Variants in BCOR observed in about 807,000 individuals in gnomAD.
BCOR encodes BCL-6 corepressor.
Under a neutral mutation model 86.7 loss-of-function variants are expected in BCOR, and 10 were observed. That is an observed-to-expected ratio of 0.12 (90% CI 0.07 to 0.20). The LOEUF is 0.20. BCOR is among the 10% of genes least tolerant of loss of function. The pLI, the probability that BCOR is intolerant of heterozygous loss-of-function variation, is 1.00. For synonymous variants in BCOR, 611 were observed against 609.0 expected (o/e 1.00, Z -0.05); for missense variants, 1,259 against 1,452.1 (o/e 0.87, Z 2.16).
At chrX:40,078,973 A>AG (rs1935948843) in intron 1 of BCOR, among the ~76,000 whole-genome samples, 1 of 111,304 alleles carries the variant, frequency 9.0e-6, no homozygotes, top group African/African-American at 3.3e-5. Context: ...TGCTCTTTGG[A>AG]GGTTGAGCCG....
At chrX:40,062,016 ACCGGCCCAGC>A (rs1430744572) in intron 10 of BCOR, 113 bp downstream of exon 10, 1 of 912,080 alleles carries the variant, frequency 1.1e-6, no homozygotes, top group African/African-American at 2.0e-5. Context: ...CTGTTGGAGC[ACCGGCCCAGC>A]CCCGATGTGG....
At chrX:40,061,598 C>T (rs187365532) in intron 10 of BCOR, among the ~76,000 whole-genome samples, 1 of 107,334 alleles carries the variant, frequency 9.3e-6, no homozygotes, top group East Asian at 3.0e-4. Flanking sequence ...AGTCTCAGTC[C>T]CTCCCTCCAG....
In BCOR at chrX:40,076,510, C is replaced by T; in HGVS notation, c.109G>A (p.Asp37Asn). Residue 37 changes from aspartate to asparagine, a missense_variant, in exon 3 of 15, where the codon GAC becomes AAC. Around this residue, in one of 7 missense-constraint regions of BCOR, gnomAD observed 174 missense variants for 189.3 expected, o/e 0.92. Coordinates refer to ENST00000378444, the MANE Select transcript of BCOR (RefSeq NM_001123385.2). ...AGTTCCAGTCTGGCTTTTGAAGCGT[C>T]ACCATCATTTACAAGGATTTTCCTA... Reference protein sequence around the residue: ...EDRKILVNDGDASKARLELRE... With the variant: ...EDRKILVNDGNASKARLELRE... 1.7e-6 allele frequency: 2 copies of T among 1,205,000 alleles called. No individual in the cohort carries two copies. The highest frequency in any genetic ancestry group is 2.2e-6 in the Non-Finnish European group (2 of 889,595).
At chrX:40,135,128 G>A (rs1483259317) in intron 1 of BCOR, among the ~76,000 whole-genome samples, 3 of 111,693 alleles carry the variant, frequency 2.7e-5, no homozygotes, top group Non-Finnish European at 3.8e-5. Flanking sequence ...AAGGAAGAAC[G>A]CGAATCTTTG....
Position 40,052,224 on chromosome X carries a change from G to A in BCOR, c.5153C>T (p.Pro1718Leu). The A allele has an allele frequency of 2.5e-6, 3 of 1,211,824 alleles. No individual in the cohort carries two copies. Among genetic ancestry groups the A allele is most frequent in the Non-Finnish European group, 1.1e-6 (1 of 895,461 alleles). Reference protein sequence around the residue: ...SCSKDLEAFNPESKELLDLVE... With the variant: ...SCSKDLEAFNLESKELLDLVE... Reference sequence around the variant, plus strand: ...CAGATCTAACAGCTCCTTACTTTCAGGGTTGAAGGCTTCCAGGTCTTTGGA... The same window carrying A: ...CAGATCTAACAGCTCCTTACTTTCAAGGTTGAAGGCTTCCAGGTCTTTGGA... The change falls in exon 15 of 15, where the codon CCT (proline) becomes CTT (leucine). Residue 1718 changes from proline to leucine, a missense_variant. Transcript: ENST00000378444.
intron 10 of BCOR, 27 bp downstream of exon 10, chrX:40,062,112 C>T: frequency 8.4e-7 from 1 of 1,187,645 alleles, no homozygotes; most frequent in African/African-American, 1.7e-5. Flanking sequence ...CAGCCTGCAG[C>T]CCCAGGGAGC....
At chrX:40,061,551 G>A (rs1015158608) in intron 10 of BCOR, among the ~76,000 whole-genome samples, 5 of 110,885 alleles carry the variant, frequency 4.5e-5, no homozygotes, top group Admixed American at 9.6e-5. Flanking sequence ...AGGAGGATGA[G>A]CAGGGGGGCT....
intron 1 of BCOR, among the ~76,000 whole-genome samples, chrX:40,154,421 C>T (rs1938241731): frequency 8.9e-6 from 1 of 112,683 alleles, no homozygotes; most frequent in South Asian, 3.6e-4. Context: ...CGCCGTCCCC[C>T]TCCTCCCCCT....
chrX:40,096,064 GGC>G (rs1936850881), intron 1 of BCOR, among the ~76,000 whole-genome samples: 3 of 112,506 alleles, frequency 2.7e-5, no homozygotes, highest in African/African-American at 9.7e-5. Context: ...GAGGCTCTGC[GGC>G]GCAGCCGCCC....
intron 1 of BCOR, among the ~76,000 whole-genome samples, chrX:40,165,250 G>C (rs1048998680): frequency 1.8e-5 from 2 of 111,795 alleles, no homozygotes; most frequent in Admixed American, 1.9e-4. Flanking sequence ...AGAAGGAATA[G>C]CAAAGAGACG....
chrX:40,131,147 T>C (rs1321216144), intron 1 of BCOR, among the ~76,000 whole-genome samples: 1 of 112,149 alleles, frequency 8.9e-6, no homozygotes, highest in Non-Finnish European at 1.9e-5. Flanking sequence ...CCAGGTTGTC[T>C]GACCTGAAAA....
At chrX:40,127,239 G>A (rs1310490828) in intron 1 of BCOR, among the ~76,000 whole-genome samples, 1 of 112,068 alleles carries the variant, frequency 8.9e-6, no homozygotes, top group African/African-American at 3.2e-5. Flanking sequence ...GCAGTTCTGA[G>A]GCTGCCACGT....
chrX:40,095,137 T>C (rs978213097), intron 1 of BCOR, among the ~76,000 whole-genome samples: 1 of 110,973 alleles, frequency 9.0e-6, no homozygotes, highest in Non-Finnish European at 1.9e-5. Context: ...GGCATATTAA[T>C]CATCGCCTTC....
In BCOR at chrX:40,071,101, G is replaced by A. The variant is rs749822156; in HGVS notation, c.3110C>T (p.Ala1037Val). Residue 1037 changes from alanine to valine, a missense_variant, in exon 6 of 15, where the codon GCA (alanine) becomes GTA (valine). Transcript: ENST00000378444. ...TTTGCACATCTCGGAGTCTTTGGTT[G>A]CTGGGTGGCCACCTTCTCTTTCTTT... Reference protein sequence around the residue: ...EMKEREGGHPATKDSEMCKFS... With the variant: ...EMKEREGGHPVTKDSEMCKFS... 1.9e-5 allele frequency: 23 copies of A among 1,208,188 alleles called. No homozygotes were observed. The highest frequency in any genetic ancestry group is 2.5e-5 in the Non-Finnish European group (22 of 894,539).
At chrX:40,131,650 AAAGAG>A (rs769599762) in intron 1 of BCOR, among the ~76,000 whole-genome samples, 32 of 110,858 alleles carry the variant, frequency 2.9e-4, no homozygotes, top group Middle Eastern at 4.6e-3. Flanking sequence ...TCTGTCAGTA[AAAGAG>A]AAGAGAAGAG....
chrX:40,054,499 C>CTT (rs147324206), intron 12 of BCOR, among the ~76,000 whole-genome samples, 166 bp from the exon 13 acceptor site: 8 of 98,858 alleles, frequency 8.1e-5, no homozygotes, highest in East Asian at 6.2e-4. Context: ...TTATGTATCT[C>CTT]TTTTTTTTTT....
chrX:40,150,059 G>A (rs1181836658), intron 1 of BCOR, among the ~76,000 whole-genome samples: 1 of 112,710 alleles, frequency 8.9e-6, no homozygotes, highest in Non-Finnish European at 1.9e-5. Flanking sequence ...TAAACAGCCA[G>A]GAGAAGAGCA....
intron 1 of BCOR, among the ~76,000 whole-genome samples, chrX:40,155,666 C>G (rs1342474678): frequency 2.7e-5 from 3 of 112,610 alleles, no homozygotes; most frequent in South Asian, 3.6e-4. Context: ...AGACCCTCGC[C>G]GAGCGAGCGA....
At chrX:40,135,761 G>A (rs1185353905) in intron 1 of BCOR, among the ~76,000 whole-genome samples, 6 of 111,618 alleles carry the variant, frequency 5.4e-5, no homozygotes. Flanking sequence ...TGAGATTGGC[G>A]GCAATGACCC....
Sources: gnomAD v4.1 joint callset for allele counts (sites outside exome capture counted in the v4.1 genomes callset) on GRCh38, gnomAD v4.1.1 for gene constraint, gnomAD v4.1.1 regional missense constraint, MANE v1.5 for transcripts, NCBI Gene and HGNC (gene_info 2026-07-23, HGNC 2026-07-21) for gene names.